The following CTDP1 variants were observed in gnomAD, a reference collection of about 807,000 sequenced individuals.
The protein encoded by CTDP1 is RNA polymerase II subunit A C-terminal domain phosphatase.
Under a neutral mutation model 91.8 loss-of-function variants are expected in CTDP1, and 47 were observed. That is an observed-to-expected ratio of 0.51 (90% confidence interval 0.41 to 0.65). CTDP1 has a LOEUF of 0.65. Ranked by LOEUF, CTDP1 falls within the 30% of genes least tolerant of loss-of-function variation. The pLI is 0.00. For synonymous variants in CTDP1, 656 were observed against 598.5 expected (o/e 1.10, Z -1.40); for missense variants, 1,272 against 1,373.7 (o/e 0.93, Z 1.17).
chr18:79,714,351 C>T (rs2086148850), intron 7 of CTDP1, 140 bp from the exon 8 acceptor site: 9 of 959,656 alleles, frequency 9.4e-6, no homozygotes, highest in Non-Finnish European at 1.1e-5. Context: ...TGTCCGGCCT[C>T]TTCACAGCAA....
At chr18:79,737,926 C>T (rs1385160989) in intron 12 of CTDP1, among the ~76,000 whole-genome samples, 3 of 152,160 alleles carry the variant, frequency 2.0e-5, no homozygotes, top group Non-Finnish European at 4.4e-5. Context: ...ATTTGATAAT[C>T]ACCTCACTTT....
intron 1 of CTDP1, among the ~76,000 whole-genome samples, chr18:79,693,486 C>G (rs548377856): frequency 6.6e-6 from 1 of 152,254 alleles, no homozygotes; most frequent in South Asian, 2.1e-4. Flanking sequence ...ATCCAAACTG[C>G]TTGGAAACAG....
In CTDP1 at chr18:79,713,149, T is replaced by C. The variant is rs922996340; in HGVS notation, c.1030+11T>C. 4 of 1,612,852 alleles carry C rather than the reference T, an allele frequency of 2.5e-6. No individual in the cohort carries two copies. Among genetic ancestry groups the C allele is most frequent in the Non-Finnish European group, 1.7e-6 (2 of 1,179,148 alleles). The stretch of plus-strand genomic sequence containing the variant: ...AGACGAGAAAGAAAGGTGGGTAACC[T>C]CCTTCCTGATTCTCTAGAAGAATTC... On this transcript the variant is annotated intron_variant, in intron 7 of 12. Transcript: ENST00000613122. This position sits in a 1 kb window ranked among gnomAD's most constrained non-coding sequence, Gnocchi z 4.7.
chr18:79,737,825 C>G (rs979804370), intron 12 of CTDP1, among the ~76,000 whole-genome samples: 2 of 152,182 alleles, frequency 1.3e-5, no homozygotes, highest in African/African-American at 4.8e-5. Flanking sequence ...TGTGGAATGA[C>G]GCAGTGTTTC....
intron 1 of CTDP1, among the ~76,000 whole-genome samples, chr18:79,694,022 C>T (rs564666390): frequency 6.6e-6 from 1 of 152,336 alleles, no homozygotes; most frequent in African/African-American, 2.4e-5. Context: ...TGCGCCCTCT[C>T]GATGACATGG....
chr18:79,681,985 G>A (rs567369173), intron 1 of CTDP1, among the ~76,000 whole-genome samples: 1 of 152,292 alleles, frequency 6.6e-6, no homozygotes, highest in Non-Finnish European at 1.5e-5. Flanking sequence ...GTTCCTGCCC[G>A]TGCAGTGGGC....
intron 12 of CTDP1, among the ~76,000 whole-genome samples, chr18:79,748,715 G>A (rs1003963393): frequency 2.0e-5 from 3 of 152,250 alleles, no homozygotes; most frequent in Non-Finnish European, 1.5e-5. Flanking sequence ...ATGAGCGCCT[G>A]CGGCCGCCTC....
chr18:79,753,969 T>C lies in CTDP1; in HGVS notation c.*179T>C, dbSNP rs967474820. The C allele has an allele frequency of 1.2e-5, 10 of 844,468 alleles. No individual in the cohort carries two copies. The Admixed American group carries it at 1.5e-4, about 13-fold the overall frequency. The allele number at this position is 844,468 out of a possible 1,614,324, so 52.3% of individuals were successfully genotyped here. A position where few individuals can be genotyped will look rare whatever the true frequency, so the allele number is the denominator to read the frequency against. The stretch of plus-strand genomic sequence containing the variant: ...AATAGGTGTTTTTAAGAAGTTTTAC[T>C]ACAGGAATGTCTACTTTTGTAAGTG... On this transcript the variant is annotated 3_prime_UTR_variant, in exon 13 of 13. Transcript: ENST00000613122.
chr18:79,718,641 C>T (rs1169853328), intron 10 of CTDP1, among the ~76,000 whole-genome samples: 1 of 152,190 alleles, frequency 6.6e-6, no homozygotes, highest in Non-Finnish European at 1.5e-5. Context: ...GAGATCAGCC[C>T]TCAGCCTAAG....
intron 4 of CTDP1, among the ~76,000 whole-genome samples, chr18:79,704,337 C>A (rs541612327): frequency 6.6e-6 from 1 of 151,990 alleles, no homozygotes; most frequent in East Asian, 1.9e-4. Flanking sequence ...GGTGCAAACG[C>A]ATCCTCTGTC....
chr18:79,727,079 G>A (rs1025685450), intron 10 of CTDP1, among the ~76,000 whole-genome samples: 1 of 152,084 alleles, frequency 6.6e-6, no homozygotes, highest in African/African-American at 2.4e-5. Flanking sequence ...TGACCTTCCC[G>A]CGTGGGTGTG....
chr18:79,731,543 C>T (rs145301977), intron 11 of CTDP1, among the ~76,000 whole-genome samples: 14 of 152,256 alleles, frequency 9.2e-5, no homozygotes, highest in Non-Finnish European at 1.5e-4. Context: ...GTTTAAACCA[C>T]GGAGGCTTCT....
At position 79,746,380 on chromosome 18, in the gene CTDP1, C is replaced by T. The variant is rs117032556; in HGVS notation, c.2748-7272C>T. Among the ~76,000 whole-genome samples, 107 of 151,522 alleles carry T rather than the reference C, an allele frequency of 7.1e-4. 2 individuals are homozygous for T. In the East Asian group the frequency reaches 0.017, roughly 24 times the overall value. On this transcript the variant is annotated intron_variant, in intron 12 of 12. Transcript: ENST00000613122. ...GCGTCCCTCCCATGCGCGTTCTGTC[C>T]GTGCGTCCCTCCCATGCGTGTTCTG...
At position 79,695,305 on chromosome 18, in the gene CTDP1, C is replaced by A; in HGVS notation, c.395C>A (p.Thr132Asn). 6.2e-7 allele frequency: 1 copy of A among 1,613,978 alleles called. No individual in the cohort carries two copies. Among genetic ancestry groups the A allele is most frequent in the Non-Finnish European group, 8.5e-7 (1 of 1,179,910 alleles). The change falls in exon 2 of 13, where the codon ACC becomes AAC. Residue 132 changes from threonine to asparagine, a missense_variant. Physicochemically the swap from Thr to Asn is moderately conservative, Grantham distance 65. Coordinates refer to ENST00000613122, the MANE Select transcript of CTDP1 (RefSeq NM_004715.5). ...TGTGCTGAATGTGGCCAAGACCTCA[C>A]CCAGTAAGTATCCGGAAGAGTGAGA... Reference protein sequence around the residue: ...GLCAECGQDLTQLQSKNGKQQ... With the variant: ...GLCAECGQDLNQLQSKNGKQQ...
At chr18:79,693,683 C>A (rs967848259) in intron 1 of CTDP1, among the ~76,000 whole-genome samples, 6 of 152,168 alleles carry the variant, frequency 3.9e-5, no homozygotes, top group African/African-American at 1.4e-4. Flanking sequence ...CACTCCATCC[C>A]CGAGGGCTCG....
chr18:79,747,282 T>C (rs2086900736), intron 12 of CTDP1, among the ~76,000 whole-genome samples: 1 of 152,210 alleles, frequency 6.6e-6, no homozygotes, highest in Admixed American at 6.5e-5. Context: ...CCTGCCCCTC[T>C]TCCACCTGTA....
Position 79,715,069 on chromosome 18 carries a change from G to A in CTDP1, c.1609G>A (p.Glu537Lys), listed in dbSNP as rs146547758. The A allele has an allele frequency of 3.7e-6, 6 of 1,612,192 alleles. No individual in the cohort carries two copies. The highest frequency in any genetic ancestry group is 1.6e-4 in the Middle Eastern group (1 of 6,080). ...EPELGGQEEG[E>K]RDGLCGLGNG... ...TGAGCTGGGTGGGCAGGAGGAGGGC[G>A]AGCGGGATGGCCTCTGCGGCCTGGG... The change falls in exon 8 of 13, where the codon GAG becomes AAG. Residue 537 changes from glutamate to lysine, a missense_variant. Around this residue, in one of 3 missense-constraint regions of CTDP1, gnomAD observed 881 missense variants for 911.6 expected, o/e 0.97. Coordinates refer to ENST00000613122, the MANE Select transcript of CTDP1 (RefSeq NM_004715.5).
rs374538893 is a variant in CTDP1 at position 79,679,936 on chromosome 18, C to T, written c.-12C>T. ...GGCCCCGTACCGACCGCCCGCCCGC[C>T]CTCTGTCCGCGATGGAGGTGCCGGC... On this transcript the variant is annotated 5_prime_UTR_variant, in exon 1 of 13. Coordinates refer to ENST00000613122, the MANE Select transcript of CTDP1 (RefSeq NM_004715.5). 40 of 1,381,764 alleles carry T rather than the reference C, an allele frequency of 2.9e-5. No homozygotes were observed. Among genetic ancestry groups the T allele is most frequent in the African/African-American group, 1.1e-4 (7 of 65,338 alleles). 85.6% of individuals were successfully genotyped at this position (1,381,764 alleles called of 1,614,324 possible).
chr18:79,714,559 C>T lies in CTDP1; in HGVS notation c.1099C>T (p.Gln367Ter). The change falls in exon 8 of 13, where the codon CAG (glutamine) becomes TAG (stop). Residue 367 changes from glutamine (Q) to a stop codon, truncating the protein, a stop_gained. Transcript: ENST00000613122. LOFTEE classifies it high-confidence loss of function. ...CGTGAGAGACCCTGAGGGGGTAACG[C>T]AGGCCCCTGGAGTGGAGCCCAGCAA... ...PPVRDPEGVT[Q>*]APGVEPSNGL... 1 of 1,613,148 alleles carries T rather than the reference C, an allele frequency of 6.2e-7. No individual in the cohort carries two copies. The highest frequency in any genetic ancestry group is 2.2e-5 in the East Asian group (1 of 44,884).
Sources: gnomAD v4.1 joint callset for allele counts (sites outside exome capture counted in the v4.1 genomes callset) on GRCh38, gnomAD v4.1.1 for gene constraint, gnomAD v4.1.1 regional missense constraint, Gnocchi (gnomAD v3.1) non-coding constraint, MANE v1.5 for transcripts, NCBI Gene and HGNC (gene_info 2026-07-23, HGNC 2026-07-21) for gene names.